The following ELOVL2 variants were observed in gnomAD, a reference collection of about 807,000 sequenced individuals.
ELOVL2 encodes the protein ELOVL fatty acid elongase 2.
A neutral mutation model predicts 37.7 loss-of-function variants in ELOVL2; 38 were observed. The ratio of observed to expected loss-of-function variants is 1.01; its 90% CI spans 0.78 to 1.32. The LOEUF is 1.32. Ranked by LOEUF, ELOVL2 falls within the 40% of genes most tolerant of loss-of-function variation. The probability of loss-of-function intolerance (pLI) is 0.00; values close to 1 mark genes in which losing one functional copy is unlikely to be tolerated. For missense variants in ELOVL2, 352 were observed against 363.6 expected (o/e 0.97, Z 0.26); for synonymous variants, 115 against 122.3 (o/e 0.94, Z 0.40).
intron 1 of ELOVL2, among the ~76,000 whole-genome samples, chr6:11,029,410 GTGTGGT>G (rs1782887282): frequency 6.6e-6 from 1 of 152,140 alleles, no homozygotes; most frequent in South Asian, 2.1e-4. Context: ...TAACTTCGCA[GTGTGGT>G]TGTGAAGACT....
intron 5 of ELOVL2, among the ~76,000 whole-genome samples, chr6:10,993,485 GACA>G (rs373153730): frequency 1.7e-3 from 253 of 152,206 alleles, no homozygotes; most frequent in African/African-American, 5.8e-3. Flanking sequence ...ACATTAATAA[GACA>G]ACACTACAAC....
At chr6:10,995,221 G>GCACCAGGAACACTGCCATT in intron 4 of ELOVL2, 43 bp from the exon 5 acceptor site, 1 of 1,451,136 alleles carries the variant, frequency 6.9e-7, no homozygotes, top group Non-Finnish European at 9.5e-7. Flanking sequence ...AGAAATGGCA[G>GCACCAGGAACACTGCCATT]TGTTCCTGGT....
At chr6:10,997,414 G>T (rs994841873) in intron 4 of ELOVL2, among the ~76,000 whole-genome samples, 4 of 151,970 alleles carry the variant, frequency 2.6e-5, no homozygotes, top group Non-Finnish European at 1.5e-5. Context: ...CAAAAATGTC[G>T]TTGTTTTCCT....
At chr6:11,035,182 TTC>T (rs1782988160) in intron 1 of ELOVL2, among the ~76,000 whole-genome samples, 1 of 152,184 alleles carries the variant, frequency 6.6e-6, no homozygotes. Context: ...AAATAGACTG[TTC>T]TGTTCTACAC....
chr6:10,983,442 ACTCT>A lies in ELOVL2; in HGVS notation c.*335_*338del, dbSNP rs954410874. ...TGAACAAAACCCTTTTTATTTGGAG[ACTCT>A]CTGTGAGAAACAATGCTCCACGTTT... is the stretch of plus-strand genomic sequence containing the variant. On this transcript the variant is annotated 3_prime_UTR_variant, in exon 8 of 8. Transcript: ENST00000354666. 30 of 176,204 alleles carry A rather than the reference ACTCT, an allele frequency of 1.7e-4. No individual in the cohort carries two copies. The highest frequency in any genetic ancestry group is 2.4e-3 in the Middle Eastern group (1 of 420). 10.9% of individuals were successfully genotyped at this position (176,204 alleles called of 1,614,324 possible).
intron 6 of ELOVL2, 104 bp from the exon 7 acceptor site, chr6:10,989,941 G>C: frequency 7.5e-7 from 1 of 1,335,844 alleles, no homozygotes; most frequent in Non-Finnish European, 1.0e-6. Context: ...AGGACTCTTG[G>C]AATTATGTAG....
chr6:10,990,289 G>T, intron 6 of ELOVL2, 29 bp downstream of exon 6: 1 of 1,605,620 alleles, frequency 6.2e-7, no homozygotes, highest in South Asian at 1.1e-5. Flanking sequence ...AAGCCACATG[G>T]AGAAAAGCTA....
chr6:11,022,057 G>A (rs1238894611), intron 1 of ELOVL2, among the ~76,000 whole-genome samples: 2 of 152,196 alleles, frequency 1.3e-5, no homozygotes, highest in Non-Finnish European at 2.9e-5. Context: ...TTCCCCAGGG[G>A]TCCCAGGGAG....
intron 7 of ELOVL2, 82 bp from the exon 8 acceptor site, chr6:10,983,988 A>G: frequency 1.6e-6 from 2 of 1,258,250 alleles, no homozygotes; most frequent in Non-Finnish European, 2.2e-6. Flanking sequence ...TATAGTTAAA[A>G]CAGTATGTGA....
chr6:11,029,248 A>AAAAAAAG (rs1782884178), intron 1 of ELOVL2, among the ~76,000 whole-genome samples: 1 of 141,794 alleles, frequency 7.1e-6, no homozygotes, highest in African/African-American at 2.7e-5. Context: ...AAAAAAAAAA[A>AAAAAAAG]GGTAGGCTGG....
chr6:10,989,607 C>T lies in ELOVL2; in HGVS notation c.765+96G>A, dbSNP rs548222526. ...TGAGCTGAGATCATGCCACTGCACT[C>T]CAGCCTGGGCAATAAGAGCGAAACT... On this transcript the variant is annotated intron_variant, in intron 7 of 7. Coordinates refer to ENST00000354666, the MANE Select transcript of ELOVL2 (RefSeq NM_017770.4). 549 of 1,285,602 alleles carry T rather than the reference C, an allele frequency of 4.3e-4. 4 individuals carry two copies. The South Asian group carries it at 7.1e-3, about 17-fold the overall frequency. 79.6% of individuals were successfully genotyped at this position (1,285,602 alleles called of 1,614,324 possible).
At chr6:10,989,945 T>TAGGAACAA in intron 6 of ELOVL2, 108 bp from the exon 7 acceptor site, 4 of 1,323,554 alleles carry the variant, frequency 3.0e-6, no homozygotes, top group Non-Finnish European at 4.2e-6. Context: ...CTCTTGGAAT[T>TAGGAACAA]ATGTAGGAAC....
chr6:10,992,353 G>GTATT (rs761727047), intron 5 of ELOVL2, among the ~76,000 whole-genome samples: 1 of 152,142 alleles, frequency 6.6e-6, no homozygotes, highest in African/African-American at 2.4e-5. Context: ...TTTTCATATT[G>GTATT]TATTTCTAAA....
intron 5 of ELOVL2, among the ~76,000 whole-genome samples, chr6:10,991,654 C>T (rs754619053): frequency 6.6e-6 from 1 of 152,190 alleles, no homozygotes; most frequent in Non-Finnish European, 1.5e-5. Flanking sequence ...GGTACAATAG[C>T]ATGCATAGAG....
At chr6:10,992,703 C>T (rs1448568246) in intron 5 of ELOVL2, among the ~76,000 whole-genome samples, 1 of 626 alleles carries the variant, frequency 1.6e-3, no homozygotes, top group African/African-American at 6.9e-3. Context: ...GCAGGAGAAT[C>T]ACTTGAACCC....
chr6:11,031,339 A>T (rs1381369860), intron 1 of ELOVL2, among the ~76,000 whole-genome samples: 2 of 152,224 alleles, frequency 1.3e-5, no homozygotes, highest in Non-Finnish European at 2.9e-5. Context: ...TTTTATTTGA[A>T]AACTACCACA....
chr6:11,028,608 T>G (rs1782871436), intron 1 of ELOVL2, among the ~76,000 whole-genome samples: 1 of 152,124 alleles, frequency 6.6e-6, no homozygotes, highest in Admixed American at 6.5e-5. Context: ...TTTTTTCACT[T>G]TAAAATAATG....
chr6:11,035,214 C>T (rs1782989035), intron 1 of ELOVL2, among the ~76,000 whole-genome samples: 1 of 152,218 alleles, frequency 6.6e-6, no homozygotes, highest in East Asian at 1.9e-4. Context: ...TCCTTCCCTA[C>T]ATACCAAAAT....
At chr6:10,984,318 G>A (rs965091727) in intron 7 of ELOVL2, among the ~76,000 whole-genome samples, 26 of 152,082 alleles carry the variant, frequency 1.7e-4, no homozygotes, top group Admixed American at 1.7e-3. Flanking sequence ...GTGCCCAGTT[G>A]GGCACTGGAT....
Sources: gnomAD v4.1 joint callset for allele counts (sites outside exome capture counted in the v4.1 genomes callset) on GRCh38, gnomAD v4.1.1 for gene constraint, MANE v1.5 for transcripts, NCBI Gene and HGNC (gene_info 2026-07-23, HGNC 2026-07-21) for gene names.